The following EEIG1 variants were observed in gnomAD, a reference collection of about 807,000 sequenced individuals.
The protein encoded by EEIG1 is estrogen-induced osteoclastogenesis regulator 1, also known as early estrogen-induced gene 1 protein.
chr9:127,978,192 G>C, the EEIG1 span, among the ~76,000 whole-genome samples: 21 of 152,174 alleles, frequency 1.4e-4, no homozygotes, highest in Admixed American at 2.6e-4. Context: ...GTCCACACCG[G>C]AGATTCCTAA....
chr9:127,952,097 G>T, the EEIG1 span, among the ~76,000 whole-genome samples: 11 of 152,252 alleles, frequency 7.2e-5, no homozygotes, highest in Non-Finnish European at 1.6e-4. Flanking sequence ...GCTCCCAGGT[G>T]TTTGCTGGTA....
chr9:127,958,267 T>C, the EEIG1 span, among the ~76,000 whole-genome samples: 3 of 152,252 alleles, frequency 2.0e-5, no homozygotes, highest in East Asian at 3.9e-4. Flanking sequence ...AAAAAGCATA[T>C]GGGTAAATCT....
chr9:127,945,594 TG>T, the EEIG1 span: 2 of 1,562,822 alleles, frequency 1.3e-6, no homozygotes, highest in Non-Finnish European at 1.7e-6. The surrounding 1 kb of genome is among the most constrained non-coding windows in gnomAD (Gnocchi z 6.5). Context: ...AGCATCACAA[TG>T]GGGGATCCCG....
At chr9:127,973,389 T>A in the EEIG1 span, among the ~76,000 whole-genome samples, 1 of 152,148 alleles carries the variant, frequency 6.6e-6, no homozygotes, top group Non-Finnish European at 1.5e-5. The surrounding 1 kb of genome is among the most constrained non-coding windows in gnomAD (Gnocchi z 4.2). Context: ...AGGCACATAA[T>A]GTGGTTGCTG....
chr9:127,944,793 A>G, the EEIG1 span: 54 of 1,612,138 alleles, frequency 3.3e-5, no homozygotes, highest in African/African-American at 6.3e-4. Flanking sequence ...TGTTGCTGCC[A>G]TCTGTGAAAT....
chr9:127,949,248 A>G, the EEIG1 span, among the ~76,000 whole-genome samples: 2 of 135,162 alleles, frequency 1.5e-5, no homozygotes, highest in African/African-American at 5.5e-5. Flanking sequence ...TGGGAGGTGG[A>G]GCTTGCAGTG....
At chr9:127,944,714 G>A in the EEIG1 span, 1 of 1,612,340 alleles carries the variant, frequency 6.2e-7, no homozygotes, top group African/African-American at 1.3e-5. Context: ...GATGGAGGCT[G>A]AGCGCGGCAG....
the EEIG1 span, among the ~76,000 whole-genome samples, chr9:127,952,157 T>C: frequency 6.6e-6 from 1 of 152,224 alleles, no homozygotes; most frequent in Non-Finnish European, 1.5e-5. Context: ...ATCAGAGAAA[T>C]TTCCACTGTG....
the EEIG1 span, among the ~76,000 whole-genome samples, chr9:127,955,363 TC>T: frequency 6.6e-6 from 1 of 152,148 alleles, no homozygotes; most frequent in African/African-American, 2.4e-5. Flanking sequence ...CGAGCTCATA[TC>T]CCCAGTGATT....
At chr9:127,945,009 G>C in the EEIG1 span, 2 of 1,278,044 alleles carry the variant, frequency 1.6e-6, no homozygotes, top group South Asian at 1.4e-5. This position sits in a 1 kb window ranked among gnomAD's most constrained non-coding sequence, Gnocchi z 6.5. Flanking sequence ...GAATGTCCCT[G>C]TGCGCTCCGT....
the EEIG1 span, among the ~76,000 whole-genome samples, chr9:127,977,646 C>T: frequency 1.3e-5 from 2 of 152,166 alleles, no homozygotes; most frequent in Non-Finnish European, 2.9e-5. Context: ...TGTGCCTGGG[C>T]GAGACATAAC....
At chr9:127,950,830 G>T in the EEIG1 span, 1 of 549,542 alleles carries the variant, frequency 1.8e-6, no homozygotes, top group South Asian at 3.0e-5. Flanking sequence ...AAAGGACATT[G>T]TTGTCCGTGA....
chr9:127,944,550 TG>T, the EEIG1 span: 1 of 1,190,774 alleles, frequency 8.4e-7, no homozygotes, highest in Non-Finnish European at 1.2e-6. Flanking sequence ...GAGTGGACTG[TG>T]GGGACTCTGC....
chr9:127,965,106 C>CAAAAAAAAAAAAAAAAA, the EEIG1 span, among the ~76,000 whole-genome samples: 1 of 69,724 alleles, frequency 1.4e-5, no homozygotes, highest in East Asian at 6.5e-4. Context: ...AAGACTGTCT[C>CAAAAAAAAAAAAAAAAA]AAAAAAAAAA....
At chr9:127,979,715 G>GCT in the EEIG1 span, among the ~76,000 whole-genome samples, 1 of 152,232 alleles carries the variant, frequency 6.6e-6, no homozygotes, top group Non-Finnish European at 1.5e-5. Context: ...TCCCTGATAG[G>GCT]CTGTACATGC....
the EEIG1 span, chr9:127,945,408 C>A: frequency 2.3e-3 from 3,715 of 1,581,914 alleles, 82 homozygotes; most frequent in African/African-American, 0.043. The surrounding 1 kb of genome is among the most constrained non-coding windows in gnomAD (Gnocchi z 6.5). Flanking sequence ...GGGGTGGCCG[C>A]GGCGGCTTCT....
chr9:127,948,261 G>GC, the EEIG1 span: 27 of 1,613,014 alleles, frequency 1.7e-5, no homozygotes, highest in Middle Eastern at 6.6e-4. Context: ...AGGGTGCCCT[G>GC]CTTCAGGACC....
At chr9:127,950,994 G>A in the EEIG1 span, among the ~76,000 whole-genome samples, 1 of 152,222 alleles carries the variant, frequency 6.6e-6, no homozygotes, top group Non-Finnish European at 1.5e-5. Flanking sequence ...ACTGCAGGAT[G>A]AGCAGGAGCC....
At chr9:127,979,935 T>C in the EEIG1 span, 2 of 1,556,746 alleles carry the variant, frequency 1.3e-6, no homozygotes, top group Admixed American at 4.0e-5. Context: ...ACTTGCCAAG[T>C]GTCTAGGTCT....
Sources: allele counts gnomAD v4.1 joint callset (sites outside exome capture counted in the v4.1 genomes callset), GRCh38; gene constraint gnomAD v4.1.1; non-coding constraint Gnocchi (gnomAD v3.1); transcripts MANE v1.5; gene names NCBI Gene and HGNC (gene_info 2026-07-23, HGNC 2026-07-21).